Variants in CUL5 observed in about 807,000 individuals in gnomAD.
CUL5 encodes the protein cullin 5, also known as cullin-5.
In CUL5, 26 loss-of-function variants were observed where a neutral mutation model predicts 108.8. The observed-to-expected ratio is 0.24, with a 90% confidence interval of 0.18 to 0.33. The LOEUF is 0.33. CUL5 is among the 10% of genes least tolerant of loss of function. CUL5 has a pLI of 1.00. For synonymous variants in CUL5, 334 were observed against 298.0 expected, an observed-to-expected ratio of 1.12 and a Z score of -1.25; for missense variants, 524 against 909.2, an observed-to-expected ratio of 0.58 and a Z score of 5.45.
intron 16 of CUL5, among the ~76,000 whole-genome samples, chr11:108,096,346 A>AG (rs1864494243): frequency 7.4e-6 from 1 of 134,906 alleles, no homozygotes; most frequent in Non-Finnish European, 1.6e-5. Flanking sequence ...AAAAAAAAAA[A>AG]CAAATTAGCC....
chr11:108,090,420 G>C (rs1864322672), intron 13 of CUL5, among the ~76,000 whole-genome samples: 1 of 152,126 alleles, frequency 6.6e-6, no homozygotes, highest in African/African-American at 2.4e-5. Flanking sequence ...AACCCTGGGG[G>C]GCGGAGCTTG....
At chr11:108,069,761 C>G (rs865920470) in intron 7 of CUL5, among the ~76,000 whole-genome samples, 1 of 152,200 alleles carries the variant, frequency 6.6e-6, no homozygotes, top group Non-Finnish European at 1.5e-5. Context: ...ATTCACACTT[C>G]TAGAATTTTA....
intron 7 of CUL5, among the ~76,000 whole-genome samples, chr11:108,055,299 G>A (rs1863345280): frequency 6.6e-6 from 1 of 152,094 alleles, no homozygotes; most frequent in African/African-American, 2.4e-5. Flanking sequence ...CTCCCTTAGG[G>A]ATACAGTTGA....
At chr11:108,051,364 T>C (rs185194544) in intron 4 of CUL5, among the ~76,000 whole-genome samples, 1 of 152,352 alleles carries the variant, frequency 6.6e-6, no homozygotes, top group East Asian at 1.9e-4. Flanking sequence ...GATTCAAATC[T>C]CAGTGTTGCC....
At chr11:108,030,611 T>G (rs570561151) in intron 1 of CUL5, among the ~76,000 whole-genome samples, 1 of 152,234 alleles carries the variant, frequency 6.6e-6, no homozygotes, top group East Asian at 1.9e-4. Flanking sequence ...CGCTCCAGCT[T>G]GGGCAACAAG....
intron 1 of CUL5, among the ~76,000 whole-genome samples, chr11:108,026,858 G>A (rs559839500): frequency 6.6e-6 from 1 of 151,682 alleles, no homozygotes; most frequent in South Asian, 2.1e-4. Flanking sequence ...GCATGGTGGC[G>A]GGCACCTGTA....
chr11:108,091,854 A>G (rs1864371731), intron 13 of CUL5, among the ~76,000 whole-genome samples: 1 of 151,614 alleles, frequency 6.6e-6, no homozygotes, highest in African/African-American at 2.4e-5. Flanking sequence ...AATGCAAGTG[A>G]AATGCTCAAC....
In CUL5 at chr11:108,044,582, T is replaced by A. The variant is rs1456802547; in HGVS notation, c.135-1688T>A. ...AATTCTGGAGTTGTTTTATTTGGAT[T>A]TCTTTGACTTTTTTTAATACTAGAG... is the stretch of plus-strand genomic sequence containing the variant. On this transcript the variant is annotated intron_variant, in intron 2 of 18. Coordinates refer to ENST00000393094, the MANE Select transcript of CUL5 (RefSeq NM_003478.6). Among the ~76,000 whole-genome samples the A allele has an allele frequency of 2.0e-5, 3 of 151,978 alleles. No individual in the cohort carries two copies. The East Asian group carries it at 5.8e-4, about 29-fold the overall frequency.
chr11:108,076,473 C>A (rs1863943484), intron 10 of CUL5, among the ~76,000 whole-genome samples: 1 of 152,154 alleles, frequency 6.6e-6, no homozygotes, highest in Non-Finnish European at 1.5e-5. Flanking sequence ...TGGTACTACT[C>A]TTTCATTCCT....
chr11:108,044,831 G>A (rs1863027602), intron 2 of CUL5, among the ~76,000 whole-genome samples: 1 of 151,570 alleles, frequency 6.6e-6, no homozygotes, highest in Admixed American at 6.6e-5. Flanking sequence ...GTGCCATCTT[G>A]GCTCACTGCA....
chr11:108,065,172 C>T (rs1863642697), intron 7 of CUL5, among the ~76,000 whole-genome samples: 1 of 151,948 alleles, frequency 6.6e-6, no homozygotes, highest in Admixed American at 6.6e-5. Context: ...ACTACAGGCG[C>T]CCGCCACCAC....
chr11:108,066,721 T>A (rs1863691245), intron 7 of CUL5, among the ~76,000 whole-genome samples: 1 of 152,234 alleles, frequency 6.6e-6, no homozygotes, highest in Admixed American at 6.5e-5. Context: ...GCACCAGCTG[T>A]GTGCCAGGAC....
intron 10 of CUL5, 151 bp downstream of exon 10, chr11:108,073,648 T>C (rs1863879714): frequency 2.4e-6 from 1 of 410,760 alleles, no homozygotes. Context: ...ACTATATTCG[T>C]TTTGTCTTGG....
intron 7 of CUL5, among the ~76,000 whole-genome samples, chr11:108,067,225 G>C (rs2135172109): frequency 6.6e-6 from 1 of 152,300 alleles, no homozygotes; most frequent in Middle Eastern, 3.4e-3. Context: ...CTGGTACAAA[G>C]TAAGTGCCCA....
At chr11:108,042,309 C>T (rs1862945416) in intron 2 of CUL5, among the ~76,000 whole-genome samples, 1 of 151,032 alleles carries the variant, frequency 6.6e-6, no homozygotes, top group African/African-American at 2.4e-5. Context: ...AACCTCCACC[C>T]CCGGGTTCAA....
chr11:108,035,169 G>A (rs1862702483), intron 2 of CUL5, among the ~76,000 whole-genome samples: 1 of 152,156 alleles, frequency 6.6e-6, no homozygotes, highest in African/African-American at 2.4e-5. Context: ...TCAAGAAGGG[G>A]TCAAAATCTA....
chr11:108,057,364 G>A (rs1011177479), intron 7 of CUL5, among the ~76,000 whole-genome samples: 2 of 152,094 alleles, frequency 1.3e-5, no homozygotes, highest in Non-Finnish European at 2.9e-5. Context: ...TAGGATATTT[G>A]CATAGTTTCA....
intron 4 of CUL5, 84 bp downstream of exon 4, chr11:108,050,150 A>C (rs1402725562): frequency 6.6e-6 from 8 of 1,213,540 alleles, no homozygotes; most frequent in Non-Finnish European, 9.2e-6. Context: ...TTGAACTTTT[A>C]AGTGGGTTTT....
rs200813419 is a variant in CUL5, at chr11:108,095,655, T to A, written c.1869T>A (p.Thr623=). The change falls in exon 16 of 19, where the codon ACT becomes ACA. Residue 623 remains threonine, a synonymous_variant. Transcript: ENST00000393094. Reference sequence around the variant, plus strand: ...GCTTTGAAAATCTTAAGCTTGCAACTGAACTCCCTGATGCTGAACTTAGGA... The same window carrying A: ...GCTTTGAAAATCTTAAGCTTGCAACAGAACTCCCTGATGCTGAACTTAGGA... ...KISFENLKLA[T]ELPDAELRRT... The A allele has an allele frequency of 5.6e-5, 91 of 1,614,070 alleles. No individual in the cohort carries two copies. In the East Asian group the frequency reaches 2.0e-3, roughly 35 times the overall value.
Sources: allele counts gnomAD v4.1 joint callset (sites outside exome capture counted in the v4.1 genomes callset), GRCh38; gene constraint gnomAD v4.1.1; transcripts MANE v1.5; gene names NCBI Gene and HGNC (gene_info 2026-07-23, HGNC 2026-07-21).